The following XIRP2 variants were observed in gnomAD, a reference collection of about 807,000 sequenced individuals.
The protein encoded by XIRP2 is xin actin binding repeat containing 2, also known as xin actin-binding repeat-containing protein 2.
XIRP2 carries 236 observed loss-of-function variants against 277.0 expected under a neutral mutation model. That is an observed-to-expected ratio of 0.85 (90% CI 0.77 to 0.95). XIRP2 has a LOEUF of 0.95. Among genes scored for constraint, XIRP2 ranks in the 40% least tolerant of loss-of-function variants. The probability of loss-of-function intolerance (pLI) is 0.00; values close to 1 mark genes in which losing one functional copy is unlikely to be tolerated. For synonymous variants in XIRP2, 1,490 were observed against 1,416.5 expected (o/e 1.05, Z -1.17); for missense variants, 4,640 against 4,157.5 (o/e 1.12, Z -3.19).
chr2:167,233,488 T>C (rs1159858671), intron 5 of XIRP2, among the ~76,000 whole-genome samples: 2 of 151,684 alleles, frequency 1.3e-5, no homozygotes, highest in African/African-American at 2.4e-5. Flanking sequence ...AGATTAAATA[T>C]ATGAGGACTT....
chr2:167,118,482 G>GATAAAATAAAATAAAATAAA (rs11270871), intron 2 of XIRP2, among the ~76,000 whole-genome samples: 3,365 of 122,082 alleles, frequency 0.028, 61 homozygotes, highest in Admixed American at 0.046. Flanking sequence ...ACTCTGTCTC[G>GATAAAATAAAATAAAATAAA]ATAAAATAAA....
chr2:167,068,408 C>CAG (rs760864106), intron 2 of XIRP2, among the ~76,000 whole-genome samples: 1 of 152,122 alleles, frequency 6.6e-6, no homozygotes, highest in Non-Finnish European at 1.5e-5. Flanking sequence ...TTTGTTTTAT[C>CAG]TCCTGATTTT....
At chr2:166,965,288 T>C (rs1458421417) in intron 2 of XIRP2, among the ~76,000 whole-genome samples, 1 of 151,924 alleles carries the variant, frequency 6.6e-6, no homozygotes, top group Non-Finnish European at 1.5e-5. Flanking sequence ...TATTCAGGGC[T>C]GGATTTCTAT....
At position 167,008,609 on chromosome 2, in the gene XIRP2, AT is replaced by A. The variant is rs1477327129; in HGVS notation, c.408+104720del. 4.0e-5 allele frequency among the ~76,000 whole-genome samples: 6 copies of A among 151,792 alleles called. No individual in the cohort carries two copies. The East Asian group carries it at 5.8e-4, about 15-fold the overall frequency. ...TTTGAAGATTTTGTTTTTTAAAAAA[AT>A]ATATGAATTTTTACTTACATCACAG... On this transcript the variant is annotated intron_variant, in intron 2 of 10. Transcript: ENST00000409195.
intron 3 of XIRP2, among the ~76,000 whole-genome samples, chr2:167,179,328 T>TTTTTTTCTTTTTTTTTTTTTTCTTTG (rs1692942438): frequency 6.6e-6 from 1 of 151,148 alleles, no homozygotes; most frequent in East Asian, 1.9e-4. Flanking sequence ...TTCTTGTTTT[T>TTTTTTTCTTTTTTTTTTTTTTCTTTG]TTTTTTTTTT....
rs1304672236 is a variant in XIRP2 at position 166,975,836 on chromosome 2, GAAGA to G, written c.408+71947_408+71950del. Among the ~76,000 whole-genome samples the G allele has an allele frequency of 6.2e-5, 9 of 145,164 alleles. No homozygotes were observed. In the East Asian group the frequency reaches 1.7e-3, roughly 27 times the overall value. On this transcript the variant is annotated intron_variant, in intron 2 of 10. Coordinates refer to ENST00000409195, the MANE Select transcript of XIRP2 (RefSeq NM_152381.6). ...AGCTACTCGGGAGGCTGAGGCAGGA[GAAGA>G]GAATGGCGTGAACCCTGGAGGCGGA...
At chr2:166,981,835 G>C (rs1312317612) in intron 2 of XIRP2, among the ~76,000 whole-genome samples, 1 of 152,168 alleles carries the variant, frequency 6.6e-6, no homozygotes, top group Non-Finnish European at 1.5e-5. Flanking sequence ...GATTCTGAGT[G>C]AACATCAATT....
intron 2 of XIRP2, among the ~76,000 whole-genome samples, chr2:167,121,554 A>C (rs1481241223): frequency 2.0e-5 from 3 of 152,222 alleles, no homozygotes; most frequent in East Asian, 3.9e-4. Flanking sequence ...AATGTGGTCA[A>C]TTGAAACTAG....
chr2:166,975,934 A>G (rs1686706374), intron 2 of XIRP2, among the ~76,000 whole-genome samples: 1 of 127,382 alleles, frequency 7.9e-6, no homozygotes, highest in Non-Finnish European at 1.7e-5. Flanking sequence ...CCGTCTCAAA[A>G]AAAAAAAAAA....
intron 3 of XIRP2, among the ~76,000 whole-genome samples, chr2:167,191,781 C>T (rs570521276): frequency 7.9e-5 from 12 of 152,198 alleles, no homozygotes; most frequent in African/African-American, 2.4e-4. Context: ...TTACATTTTT[C>T]GAATAGTATG....
intron 2 of XIRP2, among the ~76,000 whole-genome samples, chr2:166,939,856 C>T (rs1461063592): frequency 6.6e-6 from 1 of 152,132 alleles, no homozygotes; most frequent in African/African-American, 2.4e-5. Context: ...GTAACCCGAC[C>T]TTTCTCTCTG....
At chr2:167,044,904 C>T (rs532662213) in intron 2 of XIRP2, among the ~76,000 whole-genome samples, 1 of 149,908 alleles carries the variant, frequency 6.7e-6, no homozygotes, top group East Asian at 2.0e-4. Flanking sequence ...AAGCCTCTTA[C>T]AAAATTCATA....
At chr2:166,980,462 G>C (rs945542139) in intron 2 of XIRP2, among the ~76,000 whole-genome samples, 2 of 152,034 alleles carry the variant, frequency 1.3e-5, no homozygotes, top group African/African-American at 4.8e-5. Flanking sequence ...TGTTGCCCAG[G>C]CTGGAGTGCA....
intron 2 of XIRP2, among the ~76,000 whole-genome samples, chr2:167,086,795 A>G (rs1480374365): frequency 6.7e-6 from 1 of 148,422 alleles, no homozygotes; most frequent in Non-Finnish European, 1.5e-5. Flanking sequence ...CAGCTCCATC[A>G]GCTCCTTTAA....
chr2:166,912,052 A>C (rs894668096), intron 2 of XIRP2, among the ~76,000 whole-genome samples: 1 of 151,956 alleles, frequency 6.6e-6, no homozygotes, highest in African/African-American at 2.4e-5. Context: ...TTTTTCCTTC[A>C]TTTCGACTTT....
rs555631362 is a variant in XIRP2, at chr2:167,014,638, A to G, written c.408+110748A>G. Among the ~76,000 whole-genome samples the G allele has an allele frequency of 2.6e-5, 4 of 151,928 alleles. No individual in the cohort carries two copies. The South Asian group carries it at 8.3e-4, about 31-fold the overall frequency. On this transcript the variant is annotated intron_variant, in intron 2 of 10. Coordinates refer to ENST00000409195, the MANE Select transcript of XIRP2 (RefSeq NM_152381.6). The stretch of plus-strand genomic sequence containing the variant: ...CAGATAGTGAAAAAAAAGGAAATAC[A>G]TTATAAAAGTTAATTCCTCAGAGTT...
chr2:167,125,437 T>TA (rs1691173744), intron 2 of XIRP2, among the ~76,000 whole-genome samples: 1 of 152,200 alleles, frequency 6.6e-6, no homozygotes, highest in South Asian at 2.1e-4. Flanking sequence ...AAATACCAGC[T>TA]TAGCATCAGA....
At chr2:166,918,256 G>T (rs529288108) in intron 2 of XIRP2, among the ~76,000 whole-genome samples, 4 of 152,212 alleles carry the variant, frequency 2.6e-5, no homozygotes, top group Admixed American at 2.0e-4. Context: ...GCTTTGGTTT[G>T]CTGGTGGACT....
intron 2 of XIRP2, among the ~76,000 whole-genome samples, chr2:166,988,523 C>G (rs1259493851): frequency 7.5e-6 from 1 of 134,096 alleles, no homozygotes; most frequent in African/African-American, 3.0e-5. Flanking sequence ...ACGCAGAAGA[C>G]AGGTGATTTC....
Sources: gnomAD v4.1 joint callset for allele counts (sites outside exome capture counted in the v4.1 genomes callset) on GRCh38, gnomAD v4.1.1 for gene constraint, MANE v1.5 for transcripts, NCBI Gene and HGNC (gene_info 2026-07-23, HGNC 2026-07-21) for gene names.